NUP85: variants seen among roughly 807,000 people sequenced by gnomAD.
NUP85 encodes the protein nucleoporin 85.
Under a neutral mutation model 92.8 loss-of-function variants are expected in NUP85, and 23 were observed. The ratio of observed to expected loss-of-function variants is 0.25; its 90% CI spans 0.18 to 0.35. The LOEUF (loss-of-function observed/expected upper bound fraction) is 0.35. Among genes scored for constraint, NUP85 ranks in the 10% least tolerant of loss-of-function variants. NUP85 has a pLI of 1.00. For missense variants in NUP85, 759 were observed against 822.8 expected (o/e 0.92, Z 0.95); for synonymous variants, 314 against 306.9 (o/e 1.02, Z -0.24).
rs376677016 is a variant in NUP85, at chr17:75,208,615, A to G, written c.122A>G (p.Lys41Arg). 12 of 1,573,496 alleles carry G rather than the reference A, an allele frequency of 7.6e-6. 1 individual carries two copies. The South Asian group carries it at 1.2e-4, about 16-fold the overall frequency. The change falls in exon 2 of 19, where the codon AAA (lysine) becomes AGA (arginine). Residue 41 changes from lysine (K) to arginine (R), a missense_variant. By Grantham distance (26) the Lys-to-Arg change is conservative. Transcript: ENST00000245544. The stretch of plus-strand genomic sequence containing the variant: ...CTGGTATGTGAAACCTCCTTCAACA[A>G]AAAAGGTAGGGTTTTTTTTCTTCCA... ...EMLVCETSFN[K>R]KEKSEMVPSC... is the part of the protein sequence containing the mutation.
In NUP85 at chr17:75,233,293, C is replaced by T. The variant is rs1399096906; in HGVS notation, c.1615+135C>T. 7.4e-5 allele frequency: 50 copies of T among 673,402 alleles called. No individual in the cohort carries two copies. In the East Asian group the frequency reaches 1.3e-3, roughly 18 times the overall value. 41.7% of individuals were successfully genotyped at this position (673,402 alleles called of 1,614,324 possible). On this transcript the variant is annotated intron_variant, in intron 16 of 18. Transcript: ENST00000245544. ...CATCAGTGGTCCCAGAAACATCCTCCGTCATGTCCAGGATCATGAGTTTGG... is the reference window on the plus strand; with the variant it reads ...CATCAGTGGTCCCAGAAACATCCTCTGTCATGTCCAGGATCATGAGTTTGG...
intron 7 of NUP85, among the ~76,000 whole-genome samples, chr17:75,220,583 TTTTA>T (rs769505494): frequency 7.9e-5 from 12 of 151,404 alleles, no homozygotes; most frequent in Non-Finnish European, 1.8e-4. Context: ...CAGCTAAAGT[TTTTA>T]TTTATTTATT....
intron 6 of NUP85, 133 bp from the exon 7 acceptor site, chr17:75,218,052 G>A: frequency 8.9e-7 from 1 of 1,119,184 alleles, no homozygotes; most frequent in African/African-American, 1.6e-5. Context: ...TCAGGACCAT[G>A]TGTGTGACTG....
In NUP85 at chr17:75,234,660, A is replaced by G. The variant is rs1178336741; in HGVS notation, c.1639A>G (p.Met547Val). Residue 547 changes from methionine to valine, a missense_variant, in exon 17 of 19, where the codon ATG (methionine) becomes GTG (valine). Met to Val is a conservative substitution (Grantham distance 21, BLOSUM62 1). Coordinates refer to ENST00000245544, the MANE Select transcript of NUP85 (RefSeq NM_024844.5). Reference sequence around the variant, plus strand: ...AGGAAAGTATCGCGAGTTCCACCGTATGTACGGGGAGAAGCGTTTTGCCGA... The same window carrying G: ...AGGAAAGTATCGCGAGTTCCACCGTGTGTACGGGGAGAAGCGTTTTGCCGA... Reference protein sequence around the residue: ...FLGKYREFHRMYGEKRFADAA... With the variant: ...FLGKYREFHRVYGEKRFADAA... The G allele has an allele frequency of 1.2e-6, 2 of 1,614,214 alleles. No individual in the cohort carries two copies. The highest frequency in any genetic ancestry group is 2.2e-5 in the East Asian group (1 of 44,872).
At chr17:75,223,549 G>A (rs4789151) in intron 7 of NUP85, among the ~76,000 whole-genome samples, 103,719 of 151,722 alleles carry the variant, frequency 0.68, 37,504 homozygotes, top group East Asian at 0.87. Flanking sequence ...CATCACGCCC[G>A]GCTAATTTTT....
chr17:75,225,078 CT>C, intron 7 of NUP85, 24 bp from the exon 8 acceptor site: 5 of 1,522,068 alleles, frequency 3.3e-6, no homozygotes, highest in Non-Finnish European at 4.4e-6. Context: ...CCTGCCAATG[CT>C]TATGGGCCCG....
chr17:75,218,405 T>A, intron 7 of NUP85, 99 bp downstream of exon 7: 9 of 1,497,544 alleles, frequency 6.0e-6, no homozygotes, highest in Non-Finnish European at 7.3e-6. Flanking sequence ...AGCAGTAGGC[T>A]GGCTTTTGGA....
rs562787305 is a variant in NUP85, at chr17:75,207,025, T to C, written c.33+1231T>C. On this transcript the variant is annotated intron_variant, in intron 1 of 18. Coordinates refer to ENST00000245544, the MANE Select transcript of NUP85 (RefSeq NM_024844.5). ...CCCGGCCGATTTCTGGTCTTTTACT[T>C]GTGAAGATAAGCTGGTAGTTGACAT... 2.0e-5 allele frequency among the ~76,000 whole-genome samples: 3 copies of C among 152,004 alleles called. No homozygotes were observed. In the South Asian group the frequency reaches 6.2e-4, roughly 32 times the overall value.
At position 75,231,545 on chromosome 17, in the gene NUP85, C is replaced by T. The variant is rs754353175; in HGVS notation, c.1179-28C>T. 1 of 1,613,910 alleles carries T rather than the reference C, an allele frequency of 6.2e-7. No homozygotes were observed. Among genetic ancestry groups the T allele is most frequent in the Non-Finnish European group, 8.5e-7 (1 of 1,179,776 alleles). ...GCCCTGAACAGGGCAGGCCAGGAGT[C>T]TTGGTCTTTTGTTATGTTTTATTCC... On this transcript the variant is annotated intron_variant, in intron 12 of 18. Transcript: ENST00000245544. The surrounding 1 kb of genome is among the most constrained non-coding windows in gnomAD (Gnocchi z 4.6).
At chr17:75,235,306 T>C (rs746324078) in intron 18 of NUP85, 105 bp downstream of exon 18, 14 of 762,498 alleles carry the variant, frequency 1.8e-5, no homozygotes, top group Middle Eastern at 2.4e-4. Flanking sequence ...TATGGACACA[T>C]GTGCCTCTGT....
At chr17:75,222,491 T>G (rs1003501373) in intron 7 of NUP85, among the ~76,000 whole-genome samples, 1 of 129,196 alleles carries the variant, frequency 7.7e-6, no homozygotes, top group African/African-American at 2.8e-5. Context: ...TTTATATATT[T>G]GTGATTTTTT....
intron 7 of NUP85, among the ~76,000 whole-genome samples, chr17:75,221,201 T>G (rs1387642415): frequency 6.6e-6 from 1 of 151,366 alleles, no homozygotes; most frequent in Non-Finnish European, 1.5e-5. Flanking sequence ...TTTTTATTTT[T>G]ATTTATTTAT....
intron 7 of NUP85, among the ~76,000 whole-genome samples, chr17:75,219,449 T>C (rs2075534004): frequency 6.6e-6 from 1 of 151,946 alleles, no homozygotes; most frequent in East Asian, 1.9e-4. Context: ...GCTAGTTTTA[T>C]TTTTTGTAGA....
intron 11 of NUP85, chr17:75,228,945 A>G: frequency 1.0e-6 from 1 of 985,382 alleles, no homozygotes; most frequent in Non-Finnish European, 1.2e-6. Context: ...CCTTAGCTGA[A>G]AGGAGATGGC....
chr17:75,227,620 C>T (rs1038401892), intron 11 of NUP85, among the ~76,000 whole-genome samples: 1 of 150,606 alleles, frequency 6.6e-6, no homozygotes, highest in South Asian at 2.1e-4. Flanking sequence ...GGATTACAGG[C>T]GTGAGCCACC....
intron 14 of NUP85, 75 bp downstream of exon 14, chr17:75,232,054 C>T: frequency 1.3e-6 from 2 of 1,510,188 alleles, no homozygotes; most frequent in Non-Finnish European, 1.8e-6. Flanking sequence ...CACTTTATGC[C>T]TACCCCAGCC....
At chr17:75,212,253 T>G (rs796926076) in intron 4 of NUP85, among the ~76,000 whole-genome samples, 191 bp downstream of exon 4, 435 of 2,592 alleles carry the variant, frequency 0.17, 7 homozygotes, top group Middle Eastern at 0.5. Flanking sequence ...TGTTGTTTTT[T>G]TTTTTTTTTT....
At chr17:75,213,595 A>G (rs1294488617) in intron 5 of NUP85, among the ~76,000 whole-genome samples, 1 of 152,004 alleles carries the variant, frequency 6.6e-6, no homozygotes, top group African/African-American at 2.4e-5. Context: ...GCTGGCCCTG[A>G]ATGTTCCGTT....
intron 7 of NUP85, among the ~76,000 whole-genome samples, chr17:75,223,476 C>T (rs1326101601): frequency 1.3e-5 from 2 of 152,066 alleles, no homozygotes; most frequent in Non-Finnish European, 2.9e-5. Flanking sequence ...CAACCTCTGC[C>T]TCCCGGGTTC....
Sources: gnomAD v4.1 joint callset for allele counts (sites outside exome capture counted in the v4.1 genomes callset) on GRCh38, gnomAD v4.1.1 for gene constraint, Gnocchi (gnomAD v3.1) non-coding constraint, MANE v1.5 for transcripts, NCBI Gene and HGNC (gene_info 2026-07-23, HGNC 2026-07-21) for gene names.